Variants in CCNY observed in about 807,000 individuals in gnomAD.
The protein encoded by CCNY is cyclin Y.
CCNY carries 19 observed loss-of-function variants against 42.8 expected under a neutral mutation model. That is an observed-to-expected ratio of 0.44 (90% confidence interval 0.31 to 0.65). CCNY has a LOEUF of 0.65. CCNY is among the 30% of genes least tolerant of loss of function. The probability of loss-of-function intolerance (pLI) is 0.07; values close to 1 mark genes in which losing one functional copy is unlikely to be tolerated. For missense variants in CCNY, 370 were observed against 437.3 expected (o/e 0.85, Z 1.37); for synonymous variants, 165 against 162.7 (o/e 1.01, Z -0.11).
intron 8 of CCNY, among the ~76,000 whole-genome samples, chr10:35,555,406 G>A (rs1841343830): frequency 6.6e-6 from 1 of 152,198 alleles, no homozygotes; most frequent in Non-Finnish European, 1.5e-5. Context: ...TACTTAGGTT[G>A]TATTCATTGA....
At chr10:35,259,508 T>G (rs1429630585) in intron 3 of CCNY, among the ~76,000 whole-genome samples, 1 of 136,058 alleles carries the variant, frequency 7.3e-6, no homozygotes, top group Non-Finnish European at 1.6e-5. Flanking sequence ...TTTTTTTTTT[T>G]TTTTTTTTTT....
In CCNY at chr10:35,501,402, G is replaced by A. The variant is rs1840107686; in HGVS notation, c.230-99G>A. The A allele has an allele frequency of 4.2e-6, 4 of 947,256 alleles. No homozygotes were observed. The Admixed American group carries it at 5.2e-5, about 12-fold the overall frequency. 58.7% of individuals were successfully genotyped at this position (947,256 alleles called of 1,614,324 possible). ...GAGCAAGTGGGTATGTTGGTTGGTGGAAGGACGGGACCACGACACAGAGGC... is the reference window on the plus strand; with the variant it reads ...GAGCAAGTGGGTATGTTGGTTGGTGAAAGGACGGGACCACGACACAGAGGC... On this transcript the variant is annotated intron_variant, in intron 2 of 9. Coordinates refer to ENST00000374704, the MANE Select transcript of CCNY (RefSeq NM_145012.6).
rs552784075 is a variant in CCNY, at chr10:35,569,002, A to G, written c.910-52A>G. Reference sequence around the variant, plus strand: ...CCTCGGCGCCCAGGACGAGTGAGCAATGGACGCAGATATGGCCCGCCCTGA... The same window carrying G: ...CCTCGGCGCCCAGGACGAGTGAGCAGTGGACGCAGATATGGCCCGCCCTGA... On this transcript the variant is annotated intron_variant, in intron 9 of 9. Coordinates refer to ENST00000374704, the MANE Select transcript of CCNY (RefSeq NM_145012.6). 1.3e-4 allele frequency: 158 copies of G among 1,203,186 alleles called. 1 individual carries two copies. The South Asian group carries it at 1.7e-3, about 13-fold the overall frequency. 74.5% of individuals were successfully genotyped at this position (1,203,186 alleles called of 1,614,324 possible).
chr10:35,284,497 G>A (rs550000242), intron 3 of CCNY, among the ~76,000 whole-genome samples: 7 of 152,074 alleles, frequency 4.6e-5, no homozygotes, highest in Middle Eastern at 6.8e-3. Flanking sequence ...TCCTAATATG[G>A]GTAATTTGTG....
chr10:35,525,301 A>G (rs1840630672), intron 4 of CCNY, among the ~76,000 whole-genome samples: 1 of 152,184 alleles, frequency 6.6e-6, no homozygotes, highest in Non-Finnish European at 1.5e-5. Flanking sequence ...CATTTTCTAA[A>G]TATGTTCTCC....
At chr10:35,440,950 A>G (rs1053318635) in intron 1 of CCNY, among the ~76,000 whole-genome samples, 1 of 152,138 alleles carries the variant, frequency 6.6e-6, no homozygotes, top group African/African-American at 2.4e-5. Context: ...TGTACCTGGG[A>G]AGTTAAGGAT....
chr10:35,307,741 T>C (rs1589027718), intron 3 of CCNY, among the ~76,000 whole-genome samples: 1 of 149,976 alleles, frequency 6.7e-6, no homozygotes, highest in African/African-American at 2.5e-5. Context: ...TGTATATATA[T>C]ACATATTGAT....
chr10:35,261,020 A>C (rs1175549203), intron 3 of CCNY, among the ~76,000 whole-genome samples: 9 of 152,132 alleles, frequency 5.9e-5, no homozygotes, highest in Non-Finnish European at 1.3e-4. Context: ...CCAAAGTGGG[A>C]GGATCACTTG....
At chr10:35,518,959 T>C (rs890588376) in intron 4 of CCNY, among the ~76,000 whole-genome samples, 2 of 149,010 alleles carry the variant, frequency 1.3e-5, no homozygotes, top group East Asian at 2.0e-4. Flanking sequence ...ACTGTGGGTA[T>C]CTGGATTTTT....
chr10:35,341,822 A>G (rs1029730417), intron 1 of CCNY, among the ~76,000 whole-genome samples: 1 of 152,230 alleles, frequency 6.6e-6, no homozygotes, highest in Non-Finnish European at 1.5e-5. Context: ...GAAAAAAAGC[A>G]TACCCAGGCT....
intron 3 of CCNY, among the ~76,000 whole-genome samples, chr10:35,326,029 T>C (rs1385972164): frequency 1.3e-5 from 2 of 152,144 alleles, no homozygotes. Context: ...GGAGCCATGA[T>C]TATGCCACTG....
chr10:35,422,585 A>G (rs1284021607), intron 1 of CCNY, among the ~76,000 whole-genome samples: 2 of 152,272 alleles, frequency 1.3e-5, no homozygotes, highest in South Asian at 2.1e-4. Flanking sequence ...GAAAGCTGTT[A>G]TAGACTTTCA....
At chr10:35,480,139 C>T (rs544851649) in intron 1 of CCNY, among the ~76,000 whole-genome samples, 150 of 152,302 alleles carry the variant, frequency 9.8e-4, no homozygotes, top group African/African-American at 3.3e-3. Flanking sequence ...CTGAACTCTG[C>T]AAGTCACTTG....
intron 3 of CCNY, among the ~76,000 whole-genome samples, chr10:35,263,149 G>T (rs902477126): frequency 6.6e-6 from 1 of 151,922 alleles, no homozygotes; most frequent in Non-Finnish European, 1.5e-5. Flanking sequence ...GAGGTTAGGG[G>T]ATCGAGGCCA....
chr10:35,345,556 G>A (rs901927081), intron 1 of CCNY, among the ~76,000 whole-genome samples: 1 of 151,822 alleles, frequency 6.6e-6, no homozygotes, highest in Non-Finnish European at 1.5e-5. Flanking sequence ...AAGCCACAAA[G>A]TACTAGATGA....
chr10:35,505,435 C>T (rs1009728323), intron 3 of CCNY, among the ~76,000 whole-genome samples: 2 of 151,586 alleles, frequency 1.3e-5, no homozygotes, highest in Admixed American at 1.3e-4. Context: ...TTTGTCTCAA[C>T]ACTGAGTCTG....
chr10:35,388,190 A>G (rs545356543), intron 1 of CCNY, among the ~76,000 whole-genome samples: 1 of 152,214 alleles, frequency 6.6e-6, no homozygotes, highest in South Asian at 2.1e-4. Context: ...TCACATTTAA[A>G]TGTTGTGCTC....
At chr10:35,256,271 C>T (rs2135026261) in intron 3 of CCNY, among the ~76,000 whole-genome samples, 1 of 151,012 alleles carries the variant, frequency 6.6e-6, no homozygotes, top group South Asian at 2.1e-4. Flanking sequence ...TTGTCCCATG[C>T]TTCCTGCCTT....
At chr10:35,549,113 G>A (rs867347570) in intron 7 of CCNY, among the ~76,000 whole-genome samples, 11 of 23,936 alleles carry the variant, frequency 4.6e-4, no homozygotes, top group Admixed American at 2.3e-3. Context: ...ACCCCCCCCC[G>A]CCCCTCATCA....
Sources: gnomAD v4.1 joint callset for allele counts (sites outside exome capture counted in the v4.1 genomes callset) on GRCh38, gnomAD v4.1.1 for gene constraint, MANE v1.5 for transcripts, NCBI Gene and HGNC (gene_info 2026-07-23, HGNC 2026-07-21) for gene names.